The following SYTL5 variants were observed in gnomAD, a reference collection of about 807,000 sequenced individuals.
SYTL5 encodes synaptotagmin-like protein 5.
Under a neutral mutation model 55.9 loss-of-function variants are expected in SYTL5, and 34 were observed. The ratio of observed to expected loss-of-function variants is 0.61; its 90% CI spans 0.46 to 0.81. The LOEUF is 0.81. SYTL5 is among the 30% of genes least tolerant of loss of function. The probability of loss-of-function intolerance (pLI) is 0.00; values close to 1 mark genes in which losing one functional copy is unlikely to be tolerated. For synonymous variants in SYTL5, 221 were observed against 188.7 expected (o/e 1.17, Z -1.40); for missense variants, 637 against 546.7 (o/e 1.17, Z -1.65).
chrX:38,070,137 A>C (rs1446797521), intron 3 of SYTL5, among the ~76,000 whole-genome samples: 2 of 111,793 alleles, frequency 1.8e-5, no homozygotes, highest in Non-Finnish European at 3.8e-5. Context: ...TGTTTCATAT[A>C]TAATTTACCT....
At chrX:38,097,830 A>T (rs1254362754) in intron 9 of SYTL5, among the ~76,000 whole-genome samples, 2 of 108,968 alleles carry the variant, frequency 1.8e-5, no homozygotes, top group Non-Finnish European at 3.9e-5. Context: ...TCAGTACAAC[A>T]CAGTATTGGC....
chrX:38,067,181 A>C (rs1323415881), intron 3 of SYTL5, among the ~76,000 whole-genome samples: 1 of 111,629 alleles, frequency 9.0e-6, no homozygotes, highest in East Asian at 2.8e-4. Context: ...ATTATTCTCC[A>C]AGGGTAGCAA....
chrX:38,026,326 T>C (rs781439278), intron 1 of SYTL5, among the ~76,000 whole-genome samples: 1 of 111,472 alleles, frequency 9.0e-6, no homozygotes, highest in African/African-American at 3.3e-5. Context: ...TTTATAGTCA[T>C]AGTTCAGTGC....
chrX:37,973,944 C>A, the SYTL5 span, among the ~76,000 whole-genome samples: 1 of 111,297 alleles, frequency 9.0e-6, no homozygotes, highest in African/African-American at 3.3e-5. Context: ...GTGAAATAAG[C>A]CAAAAACAGC....
chrX:37,906,195 G>C, the SYTL5 span: 25 of 112,177 alleles, frequency 2.2e-4, no homozygotes, highest in African/African-American at 8.1e-4. Context: ...GGGGACTCGC[G>C]GGGAGGGGGT....
chrX:37,927,085 A>G, the SYTL5 span, among the ~76,000 whole-genome samples: 1 of 112,212 alleles, frequency 8.9e-6, no homozygotes, highest in Non-Finnish European at 1.9e-5. Flanking sequence ...AAAGGCTCTG[A>G]TAGCATTTTT....
chrX:38,086,878 T>C (rs1443395278), intron 6 of SYTL5, among the ~76,000 whole-genome samples: 2 of 111,808 alleles, frequency 1.8e-5, no homozygotes, highest in African/African-American at 6.5e-5. Flanking sequence ...CAGGGACAAA[T>C]GTGAAATTCT....
chrX:37,974,162 G>A, the SYTL5 span, among the ~76,000 whole-genome samples: 356 of 111,599 alleles, frequency 3.2e-3, no homozygotes, highest in Non-Finnish European at 4.6e-3. Flanking sequence ...ATACTGTATT[G>A]TAGACTGAAA....
intron 6 of SYTL5, among the ~76,000 whole-genome samples, chrX:38,081,387 C>T (rs1017971647): frequency 5.0e-4 from 56 of 111,103 alleles, no homozygotes; most frequent in African/African-American, 1.8e-3. Flanking sequence ...TATGCTGTGA[C>T]CTTATCAGTG....
the SYTL5 span, chrX:37,991,093 G>C: frequency 8.3e-7 from 1 of 1,211,655 alleles, no homozygotes; most frequent in Non-Finnish European, 1.1e-6. Context: ...TCACAAGATA[G>C]GGAGAGAGAA....
chrX:38,125,520 G>C lies in SYTL5; in HGVS notation c.2050+14G>C, dbSNP rs755120940. The C allele has an allele frequency of 4.2e-6, 5 of 1,185,392 alleles. No homozygotes were observed. The highest frequency in any genetic ancestry group is 2.3e-4 in the Middle Eastern group (1 of 4,280). On this transcript the variant is annotated intron_variant, in intron 16 of 16. Coordinates refer to ENST00000297875, the MANE Select transcript of SYTL5 (RefSeq NM_138780.3). Reference sequence around the variant, plus strand: ...ATTCTGGAAGTGGTGAGGGATTTGGGGACCCACAGGGATGGTCTGTGACTA... The same window carrying C: ...ATTCTGGAAGTGGTGAGGGATTTGGCGACCCACAGGGATGGTCTGTGACTA...
At chrX:38,090,528 A>G (rs1159690839) in intron 7 of SYTL5, among the ~76,000 whole-genome samples, 1 of 112,237 alleles carries the variant, frequency 8.9e-6, no homozygotes, top group African/African-American at 3.2e-5. Context: ...TTTTTTATTT[A>G]GCAGGAAGCT....
chrX:38,108,779 T>A, intron 12 of SYTL5, 80 bp downstream of exon 12: 2 of 597,944 alleles, frequency 3.3e-6, no homozygotes, highest in Non-Finnish European at 5.3e-6. Flanking sequence ...CAGAGAATAT[T>A]TTATTTGTGT....
the SYTL5 span, among the ~76,000 whole-genome samples, chrX:37,999,768 G>A: frequency 9.0e-6 from 1 of 111,590 alleles, no homozygotes; most frequent in African/African-American, 3.3e-5. Context: ...ACTGAAAATG[G>A]GTAAAAGGGG....
intron 10 of SYTL5, chrX:38,103,110 CT>C: frequency 9.1e-7 from 1 of 1,098,460 alleles, no homozygotes; most frequent in East Asian, 3.3e-5. Context: ...TCAACCTTTC[CT>C]TTTTGTTCTT....
At chrX:37,984,131 A>G in the SYTL5 span, among the ~76,000 whole-genome samples, 4 of 111,540 alleles carry the variant, frequency 3.6e-5, no homozygotes, top group East Asian at 5.6e-4. Context: ...AAGAAAGGAA[A>G]TAATACAGAC....
At chrX:38,012,455 G>C (rs781704197) in intron 1 of SYTL5, among the ~76,000 whole-genome samples, 1 of 111,855 alleles carries the variant, frequency 8.9e-6, no homozygotes, top group African/African-American at 3.2e-5. Context: ...GGGGTGGGAC[G>C]TGGGGGTGTG....
intron 1 of SYTL5, among the ~76,000 whole-genome samples, chrX:38,021,529 G>T (rs1405424381): frequency 1.8e-5 from 2 of 111,811 alleles, no homozygotes; most frequent in Non-Finnish European, 3.8e-5. Context: ...AATGCATGTT[G>T]GTTAAAATCA....
In SYTL5 at chrX:38,063,193, A is replaced by G. The variant is rs1010521927; in HGVS notation, c.329+8771A>G. On this transcript the variant is annotated intron_variant, in intron 3 of 16. Coordinates refer to ENST00000297875, the MANE Select transcript of SYTL5 (RefSeq NM_138780.3). ...TGATGAGTGAGTATTGGTAATTGCC[A>G]CATAGGTCATTTCAAAATCACTTCT... Among the ~76,000 whole-genome samples the G allele has an allele frequency of 3.6e-5, 4 of 111,214 alleles. No homozygotes were observed. In the Admixed American group the frequency reaches 3.8e-4, roughly 11 times the overall value.
Sources: allele counts gnomAD v4.1 joint callset (sites outside exome capture counted in the v4.1 genomes callset), GRCh38; gene constraint gnomAD v4.1.1; transcripts MANE v1.5; gene names NCBI Gene and HGNC (gene_info 2026-07-23, HGNC 2026-07-21).